The following NUSAP1 variants were observed in gnomAD, a reference collection of about 807,000 sequenced individuals.
NUSAP1 encodes the protein nucleolar and spindle associated protein 1, also known as nucleolar and spindle-associated protein 1.
A neutral mutation model predicts 52.8 loss-of-function variants in NUSAP1; 32 were observed. The ratio of observed to expected loss-of-function variants is 0.61; its 90% CI spans 0.46 to 0.81. The LOEUF is 0.81. Ranked by LOEUF, NUSAP1 falls within the 40% of genes least tolerant of loss-of-function variation. NUSAP1 has a pLI of 0.00. For synonymous variants in NUSAP1, 195 were observed against 183.1 expected, an observed-to-expected ratio of 1.06 and a Z score of -0.52; for missense variants, 499 against 522.3, an observed-to-expected ratio of 0.96 and a Z score of 0.43.
At chr15:41,366,671 T>A (rs2049430650) in intron 7 of NUSAP1, among the ~76,000 whole-genome samples, 1 of 152,238 alleles carries the variant, frequency 6.6e-6, no homozygotes, top group Non-Finnish European at 1.5e-5. Context: ...CTCTTGTGTA[T>A]CTCACTGAGT....
intron 5 of NUSAP1, among the ~76,000 whole-genome samples, chr15:41,356,484 A>C (rs1230301828): frequency 6.7e-6 from 1 of 149,852 alleles, no homozygotes; most frequent in Non-Finnish European, 1.5e-5. Flanking sequence ...CCTCCCTAGT[A>C]GCTGGGACTA....
In NUSAP1 at chr15:41,371,686, TA is replaced by T. The variant is rs371284414; in HGVS notation, c.1006+17del. ...CCATCACGGGGAATTCTGCTGCTGG[TA>T]AAAAAAAAAAAAAACAAAAGAAATC... On this transcript the variant is annotated splice_donor_region_variant and intron_variant, in intron 8 of 10. Transcript: ENST00000559596. 142,071 of 1,062,216 alleles carry T rather than the reference TA, an allele frequency of 0.13. 1 individual carries two copies. The highest frequency in any genetic ancestry group is 0.19 in the East Asian group (6,137 of 32,526). The allele number at this position is 1,062,216 out of a possible 1,614,324, so 65.8% of individuals were successfully genotyped here.
At chr15:41,357,449 C>CTT (rs561745809) in intron 5 of NUSAP1, among the ~76,000 whole-genome samples, 1 of 146,594 alleles carries the variant, frequency 6.8e-6, no homozygotes, top group Non-Finnish European at 1.5e-5. Flanking sequence ...GCCTAAAATA[C>CTT]TTTTTTTTTT....
At chr15:41,341,053 C>G (rs2048348339) in intron 1 of NUSAP1, among the ~76,000 whole-genome samples, 1 of 152,108 alleles carries the variant, frequency 6.6e-6, no homozygotes, top group African/African-American at 2.4e-5. Context: ...AAAAAAGAAC[C>G]CAACCAAAAA....
Position 41,380,388 on chromosome 15 carries a change from G to A in NUSAP1, c.*202G>A, listed in dbSNP as rs1176450471. 7.6e-6 allele frequency: 3 copies of A among 397,312 alleles called. No homozygotes were observed. The highest frequency in any genetic ancestry group is 1.4e-5 in the Non-Finnish European group (3 of 219,864). The allele number at this position is 397,312 out of a possible 1,614,324, so 24.6% of individuals were successfully genotyped here. A position where few individuals can be genotyped will look rare whatever the true frequency, so the allele number is the denominator to read the frequency against. ...CCTTAAAGCTCAAATTCTTTGGGAT[G>A]GTTTTTACTTAAGTCCATTAACAAT... On this transcript the variant is annotated 3_prime_UTR_variant, in exon 11 of 11. Coordinates refer to ENST00000559596, the MANE Select transcript of NUSAP1 (RefSeq NM_016359.5).
chr15:41,342,367 A>C lies in NUSAP1; in HGVS notation c.94-19A>C, dbSNP rs369056942. 7.1e-5 allele frequency: 109 copies of C among 1,537,798 alleles called. No individual in the cohort carries two copies. The highest frequency in any genetic ancestry group is 9.1e-5 in the Non-Finnish European group (103 of 1,126,814). On this transcript the variant is annotated intron_variant, in intron 1 of 10. Transcript: ENST00000559596. Reference sequence around the variant, plus strand: ...TGTTTATTTGACTTTTGGCTCTAATAATAAGGTCTCTCTTGCAGGCAACCA... The same window carrying C: ...TGTTTATTTGACTTTTGGCTCTAATCATAAGGTCTCTCTTGCAGGCAACCA...
Position 41,356,105 on chromosome 15 carries a change from C to T in NUSAP1, c.515C>T (p.Pro172Leu). The part of the protein sequence containing the change: ...KSLYTDESSK[P>L]GKNKRTAITT... ...CTCTACACAGATGAGTCATCCAAAC[C>T]TGGAAAAAATAAAAGAACTGCAATC... Residue 172 changes from proline to leucine, a missense_variant, in exon 5 of 11, where the codon CCT becomes CTT. Physicochemically the swap from Pro to Leu is moderately conservative, Grantham distance 98. Coordinates refer to ENST00000559596, the MANE Select transcript of NUSAP1 (RefSeq NM_016359.5). 1 of 1,607,708 alleles carries T rather than the reference C, an allele frequency of 6.2e-7. No homozygotes were observed.
At position 41,371,661 on chromosome 15, in the gene NUSAP1, C is replaced by T. The variant is rs114008511; in HGVS notation, c.983C>T (p.Thr328Ile). The T allele has an allele frequency of 6.4e-4, 1,011 of 1,587,196 alleles. 11 individuals are homozygous for T. In the African/African-American group the frequency reaches 0.013, roughly 20 times the overall value. ...EAVLGTHKLKTITGNSAAVIT... is the reference protein window; with the variant it reads ...EAVLGTHKLKIITGNSAAVIT... ...GTGCTTGGGACACACAAATTAAAGACCATCACGGGGAATTCTGCTGCTGGT... is the reference window on the plus strand; with the variant it reads ...GTGCTTGGGACACACAAATTAAAGATCATCACGGGGAATTCTGCTGCTGGT... Residue 328 changes from threonine (T) to isoleucine (I), a missense_variant, in exon 8 of 11, where the codon ACC becomes ATC. Thr to Ile is a moderately conservative substitution (Grantham distance 89). Transcript: ENST00000559596.
chr15:41,368,034 G>A (rs2049493310), intron 7 of NUSAP1, among the ~76,000 whole-genome samples: 1 of 152,180 alleles, frequency 6.6e-6, no homozygotes, highest in Non-Finnish European at 1.5e-5. Context: ...GCCAGCCTGG[G>A]CAACATAGTG....
intron 1 of NUSAP1, among the ~76,000 whole-genome samples, chr15:41,341,696 A>G (rs1357972511): frequency 6.6e-6 from 1 of 152,194 alleles, no homozygotes; most frequent in Admixed American, 6.6e-5. Flanking sequence ...TTCAGGCCAC[A>G]GCATTTCTGG....
chr15:41,356,925 A>G (rs549288745), intron 5 of NUSAP1, among the ~76,000 whole-genome samples: 137 of 152,296 alleles, frequency 9.0e-4, no homozygotes, highest in Non-Finnish European at 1.3e-3. Flanking sequence ...AGTAGTTGCA[A>G]TGCTGCTTAT....
At chr15:41,371,413 A>G in intron 7 of NUSAP1, 114 bp from the exon 8 acceptor site, 1 of 805,386 alleles carries the variant, frequency 1.2e-6, no homozygotes, top group Non-Finnish European at 1.9e-6. Context: ...TATGACAATT[A>G]TTAATTGAGG....
intron 3 of NUSAP1, 119 bp downstream of exon 3, chr15:41,349,360 G>A: frequency 6.7e-6 from 7 of 1,037,796 alleles, no homozygotes; most frequent in Non-Finnish European, 9.7e-6. Flanking sequence ...ACTGTGTGCT[G>A]TAAGCTCCAT....
intron 10 of NUSAP1, among the ~76,000 whole-genome samples, chr15:41,378,353 C>A (rs2050059411): frequency 2.0e-5 from 3 of 152,198 alleles, no homozygotes; most frequent in African/African-American, 7.2e-5. Context: ...AGCATGAAAA[C>A]CAAGTTAAAG....
chr15:41,368,164 T>C (rs554381818), intron 7 of NUSAP1, among the ~76,000 whole-genome samples: 3 of 152,174 alleles, frequency 2.0e-5, no homozygotes, highest in Non-Finnish European at 2.9e-5. Flanking sequence ...GACAGCACTC[T>C]GAAATATGTG....
At chr15:41,370,644 G>A (rs976116674) in intron 7 of NUSAP1, among the ~76,000 whole-genome samples, 3 of 151,524 alleles carry the variant, frequency 2.0e-5, no homozygotes, top group African/African-American at 4.9e-5. Flanking sequence ...TAGCTACTGG[G>A]GAGGCTGAGG....
At chr15:41,355,032 TAG>T (rs2048913763) in intron 4 of NUSAP1, among the ~76,000 whole-genome samples, 1 of 149,732 alleles carries the variant, frequency 6.7e-6, no homozygotes, top group South Asian at 2.1e-4. Flanking sequence ...AAAAAAAAAA[TAG>T]AGACAGAGTC....
chr15:41,339,735 A>G (rs1208393271), intron 1 of NUSAP1, among the ~76,000 whole-genome samples: 1 of 150,938 alleles, frequency 6.6e-6, no homozygotes, highest in East Asian at 2.0e-4. Context: ...TATAGGCCTG[A>G]CTTTTTTTCT....
At chr15:41,376,425 C>T (rs1312656453) in intron 9 of NUSAP1, among the ~76,000 whole-genome samples, 3 of 149,982 alleles carry the variant, frequency 2.0e-5, no homozygotes, top group Non-Finnish European at 4.4e-5. Flanking sequence ...CGGTGGCTCA[C>T]GCCTGTAATC....
Sources: gnomAD v4.1 joint callset for allele counts (sites outside exome capture counted in the v4.1 genomes callset) on GRCh38, gnomAD v4.1.1 for gene constraint, MANE v1.5 for transcripts, NCBI Gene and HGNC (gene_info 2026-07-23, HGNC 2026-07-21) for gene names.